Variants in ARL1 observed in about 807,000 individuals in gnomAD.
ARL1 encodes ADP-ribosylation factor-like protein 1.
A neutral mutation model predicts 30.1 loss-of-function variants in ARL1; 17 were observed. The ratio of observed to expected loss-of-function variants is 0.56; its 90% confidence interval spans 0.39 to 0.85. The LOEUF (loss-of-function observed/expected upper bound fraction) is 0.85. ARL1 is among the 40% of genes least tolerant of loss of function. The pLI is 0.00. For synonymous variants in ARL1, 58 were observed against 71.7 expected (o/e 0.81, Z 0.97); for missense variants, 102 against 212.6 (o/e 0.48, Z 3.24).
chr12:101,402,795 A>T, intron 3 of ARL1, 70 bp downstream of exon 3: 1 of 1,063,828 alleles, frequency 9.4e-7, no homozygotes, highest in Non-Finnish European at 1.4e-6. Flanking sequence ...ATTCGGGTTT[A>T]CTGATTTTAA....
At chr12:101,399,419 G>A (rs1438170113) in intron 4 of ARL1, among the ~76,000 whole-genome samples, 1 of 143,900 alleles carries the variant, frequency 6.9e-6, no homozygotes, top group East Asian at 2.1e-4. Context: ...GGCTGAAACA[G>A]AAGAATCGCT....
Position 101,395,565 on chromosome 12 carries a change from G to T in ARL1, c.*75C>A. 1 of 1,202,702 alleles carries T rather than the reference G, an allele frequency of 8.3e-7. No individual in the cohort carries two copies. Among genetic ancestry groups the T allele is most frequent in the Non-Finnish European group, 1.2e-6 (1 of 831,126 alleles). 74.5% of individuals were successfully genotyped at this position (1,202,702 alleles called of 1,614,324 possible). A position where few individuals can be genotyped will look rare whatever the true frequency, so the allele number is the denominator to read the frequency against. ...TCATATAGTTTTAACATCTAGTAGT[G>T]TGAAGTACACTTGACTGTTTCCAAA... On this transcript the variant is annotated 3_prime_UTR_variant, in exon 6 of 6. Coordinates refer to ENST00000261636, the MANE Select transcript of ARL1 (RefSeq NM_001177.6).
Position 101,395,648 on chromosome 12 carries a change from T to A in ARL1, c.538A>T (p.Arg180Ter). Residue 180 changes from arginine (R) to a stop codon, truncating the protein, a stop_gained, in exon 6 of 6, where the codon AGA becomes TGA. Transcript: ENST00000261636. LOFTEE classifies it high-confidence loss of function. ...GAGAAGAATGGACTGAATTACTGTC[T>A]GCTTTTTAATGTTTCAACTAACCTG... ...MEWLVETLKSRQ is the reference protein window; with the variant it reads ...MEWLVETLKS The A allele has an allele frequency of 1.3e-6, 2 of 1,576,712 alleles. No individual in the cohort carries two copies. Among genetic ancestry groups the A allele is most frequent in the African/African-American group, 1.3e-5 (1 of 74,444 alleles).
intron 1 of ARL1, 48 bp downstream of exon 1, chr12:101,407,594 G>C (rs1170294946): frequency 1.9e-6 from 3 of 1,606,228 alleles, no homozygotes; most frequent in Non-Finnish European, 1.7e-6. Context: ...CCAGCCCTCG[G>C]CCGCGGCTCC....
At chr12:101,403,156 T>C (rs1398491689) in intron 2 of ARL1, 6 of 464,520 alleles carry the variant, frequency 1.3e-5, no homozygotes, top group East Asian at 9.3e-5. Flanking sequence ...TAAGACGAAA[T>C]AGTATGCTCT....
At chr12:101,405,033 G>A (rs1302226936) in intron 2 of ARL1, among the ~76,000 whole-genome samples, 1 of 152,086 alleles carries the variant, frequency 6.6e-6, no homozygotes, top group African/African-American at 2.4e-5. Context: ...CACCACGCCT[G>A]GCTAATTTTG....
rs1294474483 is a variant in ARL1, at chr12:101,395,527, T to C, written c.*113A>G. 2.4e-6 allele frequency: 2 copies of C among 833,322 alleles called. No homozygotes were observed. Among genetic ancestry groups the C allele is most frequent in the East Asian group, 5.4e-5 (2 of 37,048 alleles). 51.6% of individuals were successfully genotyped at this position (833,322 alleles called of 1,614,324 possible). On this transcript the variant is annotated 3_prime_UTR_variant, in exon 6 of 6. Coordinates refer to ENST00000261636, the MANE Select transcript of ARL1 (RefSeq NM_001177.6). Reference sequence around the variant, plus strand: ...TACTACAAATATTGCAGTCAGTCAGTATATGCCAATAATCATATAGTTTTA... The same window carrying C: ...TACTACAAATATTGCAGTCAGTCAGCATATGCCAATAATCATATAGTTTTA...
At chr12:101,396,296 A>T (rs1444553369) in intron 5 of ARL1, 103 bp downstream of exon 5, 2 of 1,448,950 alleles carry the variant, frequency 1.4e-6, no homozygotes, top group Non-Finnish European at 1.9e-6. Context: ...CTGCTAAGTA[A>T]ATCAAAGTTT....
intron 5 of ARL1, chr12:101,396,060 A>G (rs1871142197): frequency 8.8e-6 from 5 of 565,682 alleles, no homozygotes; most frequent in Non-Finnish European, 1.6e-5. Context: ...TAAGTGAGTG[A>G]TTAGGCAGTA....
At chr12:101,402,732 A>G (rs1244465650) in intron 3 of ARL1, 133 bp downstream of exon 3, 2 of 516,136 alleles carry the variant, frequency 3.9e-6, no homozygotes, top group Non-Finnish European at 6.6e-6. Flanking sequence ...ATAGTTCCCA[A>G]TTTTACCTCA....
chr12:101,405,119 C>A (rs1000068405), intron 2 of ARL1, among the ~76,000 whole-genome samples: 5 of 152,170 alleles, frequency 3.3e-5, no homozygotes, highest in Admixed American at 1.3e-4. Context: ...GATCCACCCG[C>A]CTTGGCCTCC....
intron 4 of ARL1, among the ~76,000 whole-genome samples, chr12:101,400,669 C>T (rs191685611): frequency 1.5e-4 from 23 of 152,220 alleles, no homozygotes; most frequent in Admixed American, 2.6e-4. Flanking sequence ...GGATAAAAAA[C>T]GATAAACGTG....
intron 3 of ARL1, among the ~76,000 whole-genome samples, 169 bp downstream of exon 3, chr12:101,402,696 T>A (rs1029339736): frequency 3.9e-5 from 6 of 152,194 alleles, no homozygotes; most frequent in Admixed American, 3.9e-4. Flanking sequence ...TTCCTTAAGT[T>A]TTAACTCAAT....
At chr12:101,397,558 C>G (rs10745914) in intron 4 of ARL1, among the ~76,000 whole-genome samples, 127,938 of 151,566 alleles carry the variant, frequency 0.84, 54,167 homozygotes, top group East Asian at 0.95. Flanking sequence ...AAGTTGCAGT[C>G]GTGCAATCTT....
intron 3 of ARL1, among the ~76,000 whole-genome samples, chr12:101,402,341 AC>A (rs1444816113): frequency 6.6e-6 from 1 of 152,120 alleles, no homozygotes; most frequent in Non-Finnish European, 1.5e-5. Flanking sequence ...GGCACGCACC[AC>A]CATGCCCAGC....
chr12:101,405,493 C>T (rs10467016), intron 2 of ARL1, among the ~76,000 whole-genome samples: 37,579 of 152,098 alleles, frequency 0.25, 8,671 homozygotes, highest in African/African-American at 0.59. Flanking sequence ...CCAACCCGGC[C>T]GTAAACCAGA....
chr12:101,404,792 A>C (rs1871395800), intron 2 of ARL1, among the ~76,000 whole-genome samples: 1 of 152,234 alleles, frequency 6.6e-6, no homozygotes, highest in Non-Finnish European at 1.5e-5. Flanking sequence ...ATAGTCAGTA[A>C]GACTGTTGGA....
rs764548045 is a variant in ARL1, at chr12:101,401,179, G to C, written c.225-6C>G. 4.4e-6 allele frequency: 7 copies of C among 1,592,154 alleles called. No homozygotes were observed. The highest frequency in any genetic ancestry group is 6.0e-6 in the Non-Finnish European group (7 of 1,162,910). The stretch of plus-strand genomic sequence containing the variant: ...AGTAACATCTCCAGTATGGCCTAGA[G>C]AAAATTTAAAAGGGGAGAACATATT... On this transcript the variant is annotated splice_region_variant and splice_polypyrimidine_tract_variant and intron_variant, in intron 3 of 5. Coordinates refer to ENST00000261636, the MANE Select transcript of ARL1 (RefSeq NM_001177.6).
chr12:101,395,753 G>A (rs1004628309), intron 5 of ARL1, 83 bp from the exon 6 acceptor site: 9 of 989,338 alleles, frequency 9.1e-6, no homozygotes, highest in Non-Finnish European at 1.4e-5. Flanking sequence ...TGTATTGGAG[G>A]TGGATTCCAA....
Sources: allele counts gnomAD v4.1 joint callset (sites outside exome capture counted in the v4.1 genomes callset), GRCh38; gene constraint gnomAD v4.1.1; transcripts MANE v1.5; gene names NCBI Gene and HGNC (gene_info 2026-07-23, HGNC 2026-07-21).